The following NAV3 variants were observed in gnomAD, a reference collection of about 807,000 sequenced individuals.
The protein encoded by NAV3 is neuron navigator 3.
In NAV3, 87 loss-of-function variants were observed where a neutral mutation model predicts 244.7. The ratio of observed to expected loss-of-function variants is 0.36; its 90% CI spans 0.30 to 0.42. The LOEUF is 0.42. Ranked by LOEUF, NAV3 falls within the 20% of genes least tolerant of loss-of-function variation. The pLI is 1.00. For synonymous variants in NAV3, 1,126 were observed against 1,042.2 expected (o/e 1.08, Z -1.55); for missense variants, 2,663 against 2,893.3 (o/e 0.92, Z 1.83).
chr12:78,161,595 T>C (rs1272232331), intron 23 of NAV3, among the ~76,000 whole-genome samples: 1 of 152,088 alleles, frequency 6.6e-6, no homozygotes, highest in African/African-American at 2.4e-5. Context: ...TTCTATAACA[T>C]AAGAGATTTT....
chr12:77,948,174 G>T (rs1890539318), intron 3 of NAV3, among the ~76,000 whole-genome samples: 1 of 151,940 alleles, frequency 6.6e-6, no homozygotes, highest in Non-Finnish European at 1.5e-5. Flanking sequence ...GAATTCTTTG[G>T]TCTGCCATTT....
intron 2 of NAV3, among the ~76,000 whole-genome samples, chr12:77,652,831 C>T (rs887798074): frequency 6.6e-6 from 1 of 152,218 alleles, no homozygotes; most frequent in African/African-American, 2.4e-5. Context: ...ATCAAGCAAT[C>T]AGTGTTTGTC....
intron 23 of NAV3, among the ~76,000 whole-genome samples, chr12:78,167,010 C>G (rs866557038): frequency 6.6e-6 from 1 of 151,700 alleles, no homozygotes; most frequent in African/African-American, 2.4e-5. Context: ...TATTTACATT[C>G]CATGATTCCA....
At chr12:77,614,264 A>G (rs1041240923) in intron 2 of NAV3, among the ~76,000 whole-genome samples, 1 of 151,398 alleles carries the variant, frequency 6.6e-6, no homozygotes, top group South Asian at 2.1e-4. Flanking sequence ...AGACATTGCC[A>G]AATGTCCTCT....
intron 2 of NAV3, among the ~76,000 whole-genome samples, chr12:77,773,592 G>A (rs1241010173): frequency 1.3e-5 from 2 of 151,966 alleles, no homozygotes; most frequent in African/African-American, 4.8e-5. Context: ...GAGAAATAAG[G>A]AAGATACATA....
At chr12:77,893,932 C>A (rs1884259760) in intron 1 of NAV3, among the ~76,000 whole-genome samples, 1 of 152,138 alleles carries the variant, frequency 6.6e-6, no homozygotes, top group Admixed American at 6.6e-5. Context: ...AACTAAAGCC[C>A]AAAGTGTATT....
chr12:77,756,334 C>T (rs923976886), intron 2 of NAV3, among the ~76,000 whole-genome samples: 2 of 152,104 alleles, frequency 1.3e-5, no homozygotes, highest in Middle Eastern at 3.2e-3. Context: ...TTATGCATAT[C>T]ATGCTGATTT....
intron 2 of NAV3, among the ~76,000 whole-genome samples, chr12:77,654,321 G>C (rs1025794362): frequency 2.6e-5 from 4 of 152,264 alleles, no homozygotes; most frequent in Non-Finnish European, 5.9e-5. Flanking sequence ...CTGGCTCGGA[G>C]GGTCCTACGC....
At position 78,071,957 on chromosome 12, in the gene NAV3, G is replaced by C. The variant is rs530953357; in HGVS notation, c.2636+12842G>C. ...ACTACTGGGTACATAATGAAATGAA[G>C]GCAGAAATAAAGATGTTCTTTGAAA... On this transcript the variant is annotated intron_variant, in intron 12 of 39. Transcript: ENST00000397909. Among the ~76,000 whole-genome samples, 16 of 152,194 alleles carry C rather than the reference G, an allele frequency of 1.1e-4. 1 individual carries two copies. In the East Asian group the frequency reaches 3.1e-3, roughly 29 times the overall value.
chr12:77,677,685 G>A (rs1874268023), intron 2 of NAV3, among the ~76,000 whole-genome samples: 1 of 152,238 alleles, frequency 6.6e-6, no homozygotes, highest in Non-Finnish European at 1.5e-5. Context: ...GGAGTAATTA[G>A]CGCATTGCTT....
intron 12 of NAV3, among the ~76,000 whole-genome samples, chr12:78,064,067 C>A (rs1371120244): frequency 6.6e-6 from 1 of 152,014 alleles, no homozygotes; most frequent in South Asian, 2.1e-4. Context: ...AGGTAGAGTG[C>A]TTAGAAAGTG....
chr12:77,899,559 C>G (rs1487226075), intron 1 of NAV3, among the ~76,000 whole-genome samples: 1 of 152,198 alleles, frequency 6.6e-6, no homozygotes, highest in East Asian at 1.9e-4. Context: ...ACGTAATACT[C>G]ATGCACACTT....
At chr12:77,821,044 G>A (rs1872721515) in intron 2 of NAV3, among the ~76,000 whole-genome samples, 2 of 150,804 alleles carry the variant, frequency 1.3e-5, no homozygotes, top group South Asian at 2.1e-4. Context: ...CTTATTATCT[G>A]TCTCTGCCCA....
intron 1 of NAV3, among the ~76,000 whole-genome samples, chr12:77,866,774 C>T (rs1004276429): frequency 6.6e-6 from 1 of 152,216 alleles, no homozygotes; most frequent in African/African-American, 2.4e-5. Flanking sequence ...AATAAATCCT[C>T]TTATCATCCA....
At chr12:77,920,785 C>A (rs984277600) in intron 1 of NAV3, among the ~76,000 whole-genome samples, 2 of 152,026 alleles carry the variant, frequency 1.3e-5, no homozygotes, top group Non-Finnish European at 2.9e-5. Flanking sequence ...AAAAAAATTA[C>A]TCTGCAGATG....
chr12:77,895,724 A>G (rs887902134), intron 1 of NAV3, among the ~76,000 whole-genome samples: 1 of 144,238 alleles, frequency 6.9e-6, no homozygotes, highest in Non-Finnish European at 1.5e-5. Context: ...ACTACCACAT[A>G]TATGTACCCT....
intron 2 of NAV3, among the ~76,000 whole-genome samples, chr12:77,810,448 G>T (rs898640348): frequency 2.6e-5 from 4 of 152,166 alleles, no homozygotes; most frequent in Admixed American, 1.3e-4. Context: ...TGGGATTACA[G>T]TCGTGAGCCA....
At chr12:77,898,151 T>C (rs1228801157) in intron 1 of NAV3, among the ~76,000 whole-genome samples, 1 of 152,232 alleles carries the variant, frequency 6.6e-6, no homozygotes, top group Admixed American at 6.5e-5. Flanking sequence ...GAACAAACAC[T>C]AGATTTTTGG....
intron 20 of NAV3, among the ~76,000 whole-genome samples, chr12:78,142,657 GTATGTATATATATACATATATA>G (rs1956665938): frequency 7.6e-6 from 1 of 131,640 alleles, no homozygotes; most frequent in Non-Finnish European, 1.6e-5. Flanking sequence ...TTAAAATAGA[GTATGTATATATATACATATATA>G]TGTGTATATA....
Sources: gnomAD v4.1 joint callset for allele counts (sites outside exome capture counted in the v4.1 genomes callset) on GRCh38, gnomAD v4.1.1 for gene constraint, MANE v1.5 for transcripts, NCBI Gene and HGNC (gene_info 2026-07-23, HGNC 2026-07-21) for gene names.